Variants in NKAIN2 observed in about 807,000 individuals in gnomAD.
NKAIN2 encodes sodium/potassium-transporting ATPase subunit beta-1-interacting protein 2.
A neutral mutation model predicts 32.6 loss-of-function variants in NKAIN2; 14 were observed. The ratio of observed to expected loss-of-function variants is 0.43; its 90% CI spans 0.28 to 0.67. NKAIN2 has a LOEUF of 0.67. Among genes scored for constraint, NKAIN2 ranks in the 30% least tolerant of loss-of-function variants. NKAIN2 has a pLI of 0.17. For missense variants in NKAIN2, 198 were observed against 258.3 expected (o/e 0.77, Z 1.60); for synonymous variants, 80 against 87.2 (o/e 0.92, Z 0.46).
intron 2 of NKAIN2, among the ~76,000 whole-genome samples, chr6:124,296,944 G>C (rs1583008788): frequency 1.3e-5 from 2 of 152,136 alleles, no homozygotes; most frequent in Admixed American, 1.3e-4. Flanking sequence ...TTTTGGACTA[G>C]ATCAGTCAAA....
chr6:124,256,407 AT>A (rs1793933450), intron 1 of NKAIN2, among the ~76,000 whole-genome samples: 1 of 152,206 alleles, frequency 6.6e-6, no homozygotes, highest in African/African-American at 2.4e-5. Context: ...AAGCAACCAC[AT>A]TTGCCATTTC....
intron 1 of NKAIN2, among the ~76,000 whole-genome samples, chr6:123,998,386 A>T (rs1375728145): frequency 6.6e-6 from 1 of 152,124 alleles, no homozygotes; most frequent in Non-Finnish European, 1.5e-5. Context: ...GCCAAATAAT[A>T]AAAAATGTCT....
At chr6:124,594,332 CAG>C (rs1782009787) in intron 3 of NKAIN2, among the ~76,000 whole-genome samples, 1 of 152,010 alleles carries the variant, frequency 6.6e-6, no homozygotes, top group Non-Finnish European at 1.5e-5. Flanking sequence ...GAGGCAGAGA[CAG>C]AGAGGGGAGC....
At chr6:123,810,857 A>T (rs976892531) in intron 1 of NKAIN2, among the ~76,000 whole-genome samples, 2 of 152,234 alleles carry the variant, frequency 1.3e-5, no homozygotes, top group Non-Finnish European at 2.9e-5. Flanking sequence ...GTTATTTAAA[A>T]TATGTGTTGA....
At chr6:124,473,775 CACAT>C (rs1777071775) in intron 3 of NKAIN2, among the ~76,000 whole-genome samples, 1 of 152,122 alleles carries the variant, frequency 6.6e-6, no homozygotes, top group South Asian at 2.1e-4. Flanking sequence ...ACCATCATCT[CACAT>C]ACAATAATTC....
At chr6:124,754,058 C>G (rs1337861) in intron 4 of NKAIN2, among the ~76,000 whole-genome samples, 64,179 of 151,796 alleles carry the variant, frequency 0.42, 14,280 homozygotes, top group Non-Finnish European at 0.51. Context: ...TCCTTAAAGA[C>G]TCAATTTTCA....
intron 1 of NKAIN2, among the ~76,000 whole-genome samples, chr6:124,095,956 T>C (rs1338738083): frequency 1.3e-5 from 2 of 152,186 alleles, no homozygotes; most frequent in African/African-American, 2.4e-5. Flanking sequence ...GAGATCTCTT[T>C]GTTGTAATGT....
At chr6:124,031,895 C>T (rs1333376686) in intron 1 of NKAIN2, among the ~76,000 whole-genome samples, 1 of 151,968 alleles carries the variant, frequency 6.6e-6, no homozygotes, top group Non-Finnish European at 1.5e-5. Context: ...ACCATTTGAC[C>T]CAGCAATCCC....
intron 1 of NKAIN2, among the ~76,000 whole-genome samples, chr6:124,183,946 T>A (rs772040514): frequency 2.0e-5 from 3 of 152,136 alleles, no homozygotes; most frequent in Non-Finnish European, 4.4e-5. Flanking sequence ...CCAGCACACA[T>A]ACAGATTGAT....
chr6:124,804,554 A>G (rs1780430581), intron 5 of NKAIN2: 1 of 222,650 alleles, frequency 4.5e-6, no homozygotes, highest in South Asian at 1.6e-4. Context: ...TACAGCTCCC[A>G]GCGTGAGCGA....
At chr6:123,823,076 G>T (rs748142778) in intron 1 of NKAIN2, among the ~76,000 whole-genome samples, 14 of 152,208 alleles carry the variant, frequency 9.2e-5, no homozygotes, top group Non-Finnish European at 1.9e-4. Context: ...GGAGGCTGGG[G>T]TGAGGAAGAC....
intron 3 of NKAIN2, among the ~76,000 whole-genome samples, chr6:124,356,511 A>C (rs976433300): frequency 3.7e-4 from 56 of 152,310 alleles, no homozygotes; most frequent in African/African-American, 1.3e-3. Flanking sequence ...TAATTTTATG[A>C]TCAGAATGTG....
intron 3 of NKAIN2, among the ~76,000 whole-genome samples, chr6:124,356,272 A>G (rs1232962496): frequency 1.3e-5 from 2 of 152,138 alleles, no homozygotes; most frequent in East Asian, 1.9e-4. Flanking sequence ...GTCAAGCTAT[A>G]TATTTTGGAA....
intron 1 of NKAIN2, among the ~76,000 whole-genome samples, chr6:124,036,281 A>T (rs932227734): frequency 6.6e-6 from 1 of 152,046 alleles, no homozygotes; most frequent in African/African-American, 2.4e-5. Flanking sequence ...GTGGCATTTG[A>T]GTTATGTATT....
chr6:124,564,829 C>A (rs924864266), intron 3 of NKAIN2, among the ~76,000 whole-genome samples: 5 of 152,170 alleles, frequency 3.3e-5, no homozygotes, highest in Non-Finnish European at 5.9e-5. Flanking sequence ...AAAATAGTTG[C>A]AGAAAGGCAA....
intron 4 of NKAIN2, among the ~76,000 whole-genome samples, chr6:124,777,408 T>C (rs1779029066): frequency 6.6e-6 from 1 of 152,178 alleles, no homozygotes; most frequent in African/African-American, 2.4e-5. Context: ...CAGGTGACTT[T>C]GAAGAAGACT....
At chr6:124,491,475 A>G (rs900801060) in intron 3 of NKAIN2, among the ~76,000 whole-genome samples, 1 of 151,890 alleles carries the variant, frequency 6.6e-6, no homozygotes. Flanking sequence ...TGAGGTAGCT[A>G]TGAGAAAGGT....
At chr6:123,842,420 C>T (rs1386761476) in intron 1 of NKAIN2, among the ~76,000 whole-genome samples, 1 of 152,046 alleles carries the variant, frequency 6.6e-6, no homozygotes, top group African/African-American at 2.4e-5. Context: ...GGACACTAGA[C>T]CTATCAGATT....
chr6:124,794,693 C>A (rs1779922398), intron 5 of NKAIN2, among the ~76,000 whole-genome samples: 1 of 152,106 alleles, frequency 6.6e-6, no homozygotes, highest in Admixed American at 6.6e-5. Flanking sequence ...TTCATTTGGG[C>A]TCGCTGTCTG....
Sources: allele counts gnomAD v4.1 joint callset (sites outside exome capture counted in the v4.1 genomes callset), GRCh38; gene constraint gnomAD v4.1.1; transcripts MANE v1.5; gene names NCBI Gene and HGNC (gene_info 2026-07-23, HGNC 2026-07-21).